HPSE: variants seen among roughly 807,000 people sequenced by gnomAD.
The protein encoded by HPSE is endo-glucoronidase.
Under a neutral mutation model 65.1 loss-of-function variants are expected in HPSE, and 48 were observed. The ratio of observed to expected loss-of-function variants is 0.74; its 90% confidence interval spans 0.58 to 0.94. The LOEUF (loss-of-function observed/expected upper bound fraction) is 0.94, where lower values mean the gene tolerates loss of function less well. Ranked by LOEUF, HPSE falls within the 40% of genes least tolerant of loss-of-function variation. HPSE has a pLI of 0.00. For synonymous variants in HPSE, 243 were observed against 260.0 expected, an observed-to-expected ratio of 0.93 and a Z score of 0.63; for missense variants, 644 against 637.5, an observed-to-expected ratio of 1.01 and a Z score of -0.11.
intron 11 of HPSE, among the ~76,000 whole-genome samples, chr4:83,299,034 C>T (rs756760772): frequency 7.2e-5 from 11 of 151,848 alleles, no homozygotes; most frequent in Non-Finnish European, 1.3e-4. Context: ...ATAATTTCAC[C>T]AGTTTTCCAA....
intron 8 of HPSE, 51 bp from the exon 9 acceptor site, chr4:83,306,368 C>T: frequency 1.1e-6 from 1 of 879,496 alleles, no homozygotes; most frequent in South Asian, 1.4e-5. Context: ...CAAAATCGCT[C>T]AATTCTAATT....
chr4:83,311,781 GAA>G (rs59143616), intron 4 of HPSE, among the ~76,000 whole-genome samples: 4,662 of 126,752 alleles, frequency 0.037, 272 homozygotes, highest in African/African-American at 0.13. Flanking sequence ...GATCTTGTCT[GAA>G]AAAAAAAAAA....
intron 3 of HPSE, among the ~76,000 whole-genome samples, chr4:83,319,021 G>A (rs191900484): frequency 7.9e-5 from 12 of 152,136 alleles, no homozygotes; most frequent in Non-Finnish European, 1.5e-4. Flanking sequence ...CCCTTTATAT[G>A]TCTGTATTTT....
At chr4:83,311,908 G>A (rs1736394756) in intron 4 of HPSE, among the ~76,000 whole-genome samples, 1 of 151,382 alleles carries the variant, frequency 6.6e-6, no homozygotes, top group South Asian at 2.1e-4. Flanking sequence ...TCTATGTTTT[G>A]AATAAATGTG....
At chr4:83,296,075 A>G (rs952594361) in intron 11 of HPSE, among the ~76,000 whole-genome samples, 4 of 152,202 alleles carry the variant, frequency 2.6e-5, no homozygotes, top group Admixed American at 2.0e-4. Context: ...AACAAAAACA[A>G]TTTGGCTAAA....
intron 1 of HPSE, among the ~76,000 whole-genome samples, chr4:83,333,871 AAAAAG>A (rs1316362493): frequency 8.5e-5 from 13 of 152,076 alleles, no homozygotes; most frequent in African/African-American, 2.4e-4. Context: ...AAGAAAAAAG[AAAAAG>A]AAAAGAAAAG....
chr4:83,305,231 G>A lies in HPSE; in HGVS notation c.1206+972C>T, dbSNP rs528024073. ...GGGAAAATTTGGATGAGATAAAAAG[G>A]TCAGGAGTAGATTTTGAATGTTTGT... On this transcript the variant is annotated intron_variant, in intron 9 of 11. Transcript: ENST00000311412. Among the ~76,000 whole-genome samples the A allele has an allele frequency of 6.6e-5, 10 of 152,288 alleles. No individual in the cohort carries two copies. The South Asian group carries it at 2.1e-3, about 32-fold the overall frequency.
At chr4:83,316,471 G>T (rs1736645447) in intron 3 of HPSE, among the ~76,000 whole-genome samples, 1 of 152,050 alleles carries the variant, frequency 6.6e-6, no homozygotes, top group Non-Finnish European at 1.5e-5. Flanking sequence ...ACTGTATAAA[G>T]AGTGGAGAGA....
At chr4:83,304,475 A>G (rs535224512) in intron 9 of HPSE, among the ~76,000 whole-genome samples, 1 of 152,256 alleles carries the variant, frequency 6.6e-6, no homozygotes, top group African/African-American at 2.4e-5. Context: ...GGGTTCATAT[A>G]CTTTCCTCTG....
At chr4:83,319,898 A>G (rs931953885) in intron 2 of HPSE, among the ~76,000 whole-genome samples, 2 of 151,884 alleles carry the variant, frequency 1.3e-5, no homozygotes, top group Non-Finnish European at 2.9e-5. Flanking sequence ...CGTCTCTACT[A>G]AAATACAGCT....
upstream of HPSE, chr4:83,334,865 C>T: frequency 1.4e-6 from 2 of 1,436,900 alleles, no homozygotes; most frequent in Non-Finnish European, 9.1e-7. Context: ...CGCCGAGCCC[C>T]AGCGCCCTTT....
chr4:83,300,970 A>G lies in HPSE; in HGVS notation c.1462T>C (p.Leu488=). 1 of 1,588,078 alleles carries G rather than the reference A, an allele frequency of 6.3e-7. No homozygotes were observed. Residue 488 remains leucine (L), a synonymous_variant, in exon 11 of 12, where the codon TTA becomes CTA. Coordinates refer to ENST00000311412, the MANE Select transcript of HPSE (RefSeq NM_001098540.3). ...YLLRPLGPHG[L]LSKSVQLNGL... is the part of the protein sequence containing the mutation. ...AGGAAAATTACTTACTTGGAAAGTA[A>G]TCCATGAGGTCCCAAAGGTCTTAGA...
In HPSE at chr4:83,308,855, C is replaced by G. The variant is rs1380773779; in HGVS notation, c.1081G>C (p.Ala361Pro). 3 of 1,613,508 alleles carry G rather than the reference C, an allele frequency of 1.9e-6. No individual in the cohort carries two copies. Among genetic ancestry groups the G allele is most frequent in the Non-Finnish European group, 1.7e-6 (2 of 1,179,734 alleles). ...CGCTGCTTCACTCACATAAAGCCAGCTGCAAAGGTGTCGGATAGCAAGGGC... is the reference window on the plus strand; with the variant it reads ...CGCTGCTTCACTCACATAAAGCCAGGTGCAAAGGTGTCGGATAGCAAGGGC... ...GAPLLSDTFA[A>P]GFMWLDKLGL... Residue 361 changes from alanine to proline, a missense_variant, in exon 8 of 12, where the codon GCT becomes CCT. Transcript: ENST00000311412.
chr4:83,300,063 T>C (rs1014553798), intron 11 of HPSE, among the ~76,000 whole-genome samples: 10 of 152,182 alleles, frequency 6.6e-5, no homozygotes, highest in African/African-American at 2.2e-4. Flanking sequence ...CCTTCCAACA[T>C]ACATTGAACA....
chr4:83,304,654 T>G (rs1736086169), intron 9 of HPSE, among the ~76,000 whole-genome samples: 1 of 152,082 alleles, frequency 6.6e-6, no homozygotes. Flanking sequence ...AGTAAGACCT[T>G]GTATCAATTT....
At chr4:83,295,620 T>C in intron 11 of HPSE, 117 bp from the exon 12 acceptor site, 1 of 663,776 alleles carries the variant, frequency 1.5e-6, no homozygotes, top group Non-Finnish European at 2.4e-6. Context: ...GCAGCCTATA[T>C]TATATAACTT....
chr4:83,309,320 A>G (rs1578011139), intron 7 of HPSE, 82 bp downstream of exon 7: 1 of 736,308 alleles, frequency 1.4e-6, no homozygotes, highest in East Asian at 2.7e-5. Context: ...ATGTAAATAT[A>G]CATACCTATA....
rs1261735225 is a variant in HPSE, at chr4:83,295,467, C to T, written c.1509G>A (p.Val503=). The change falls in exon 12 of 12, where the codon GTG becomes GTA. Residue 503 remains valine (V), a synonymous_variant. Transcript: ENST00000311412. ...TTAAAGGTGGCAAGGTTTGATCATCCACCATCTTTAGAGTTAGACCATTGA... is the reference window on the plus strand; with the variant it reads ...TTAAAGGTGGCAAGGTTTGATCATCTACCATCTTTAGAGTTAGACCATTGA... ...VQLNGLTLKM[V]DDQTLPPLME... is the part of the protein sequence containing the mutation. 1.2e-6 allele frequency: 2 copies of T among 1,611,490 alleles called. No individual in the cohort carries two copies. The highest frequency in any genetic ancestry group is 8.5e-7 in the Non-Finnish European group (1 of 1,178,462).
Position 83,295,329 on chromosome 4 carries a change from T to A in HPSE, c.*15A>T. The A allele has an allele frequency of 1.3e-6, 2 of 1,597,154 alleles. No homozygotes were observed. The highest frequency in any genetic ancestry group is 1.3e-5 in the African/African-American group (1 of 74,264). The stretch of plus-strand genomic sequence containing the variant: ...TACTTGAAAAATTCAGTGTCAGGAC[T>A]AGTATATTTTATTTTCAGATGCAAG... On this transcript the variant is annotated 3_prime_UTR_variant, in exon 12 of 12. Coordinates refer to ENST00000311412, the MANE Select transcript of HPSE (RefSeq NM_001098540.3).
Sources: allele counts gnomAD v4.1 joint callset (sites outside exome capture counted in the v4.1 genomes callset), GRCh38; gene constraint gnomAD v4.1.1; transcripts MANE v1.5; gene names NCBI Gene and HGNC (gene_info 2026-07-23, HGNC 2026-07-21).